Variants in LIMD1 observed in about 807,000 individuals in gnomAD.
The protein encoded by LIMD1 is LIM domain containing 1, also known as LIM domain-containing protein 1.
In LIMD1, 23 loss-of-function variants were observed where a neutral mutation model predicts 58.4. The observed-to-expected ratio is 0.39, with a 90% CI of 0.28 to 0.56. The LOEUF is 0.56. LIMD1 is among the 20% of genes least tolerant of loss of function. The pLI is 0.57. For missense variants in LIMD1, 838 were observed against 855.5 expected, an observed-to-expected ratio of 0.98 and a Z score of 0.25; for synonymous variants, 334 against 345.5, an observed-to-expected ratio of 0.97 and a Z score of 0.37.
At chr3:45,609,141 G>C (rs1429786164) in intron 1 of LIMD1, among the ~76,000 whole-genome samples, 1 of 152,210 alleles carries the variant, frequency 6.6e-6, no homozygotes, top group African/African-American at 2.4e-5. Flanking sequence ...ACCAGACCTT[G>C]ATTACCTGTT....
At chr3:45,636,282 G>A (rs773697085) in intron 2 of LIMD1, 31 bp downstream of exon 2, 1 of 1,504,030 alleles carries the variant, frequency 6.6e-7, no homozygotes, top group African/African-American at 1.4e-5. Context: ...CGGGTGTGTG[G>A]GGGATGCGTA....
chr3:45,663,713 GTACTAA>G (rs749312746), intron 2 of LIMD1, among the ~76,000 whole-genome samples: 1 of 151,638 alleles, frequency 6.6e-6, no homozygotes, highest in Non-Finnish European at 1.5e-5. Flanking sequence ...TGTGTCTTAG[GTACTAA>G]TACTATTTTA....
intron 2 of LIMD1, among the ~76,000 whole-genome samples, chr3:45,638,598 G>A (rs1053558225): frequency 3.9e-5 from 6 of 152,188 alleles, no homozygotes; most frequent in African/African-American, 4.8e-5. Flanking sequence ...TGTGAATAGT[G>A]TGGTGATAAA....
At chr3:45,602,365 T>C (rs1404397594) in intron 1 of LIMD1, among the ~76,000 whole-genome samples, 1 of 152,104 alleles carries the variant, frequency 6.6e-6, no homozygotes, top group Non-Finnish European at 1.5e-5. Flanking sequence ...CACATTCTGC[T>C]CGCTGTTAGG....
intron 1 of LIMD1, among the ~76,000 whole-genome samples, chr3:45,627,877 G>A (rs1302935470): frequency 4.6e-5 from 7 of 151,874 alleles, no homozygotes; most frequent in African/African-American, 1.7e-4. Flanking sequence ...GCATGGTGTT[G>A]CACGCCTGTA....
chr3:45,672,727 G>GT lies in LIMD1; in HGVS notation c.1682dup (p.Arg562ProfsTer6). ...CTGGGGAAGTCCTACCACCCCGGCT[G>GT]TTTCCGCTGTGTCATCTGTAATGAG... On this transcript the variant is annotated frameshift_variant, in exon 5 of 8. Transcript: ENST00000273317. LOFTEE classifies it high-confidence loss of function. 6.2e-7 allele frequency: 1 copy of GT among 1,614,028 alleles called. No individual in the cohort carries two copies. The highest frequency in any genetic ancestry group is 8.5e-7 in the Non-Finnish European group (1 of 1,179,972).
At position 45,596,069 on chromosome 3, in the gene LIMD1, C is replaced by T. The variant is rs763133890; in HGVS notation, c.1190C>T (p.Pro397Leu). Residue 397 changes from proline to leucine, a missense_variant, in exon 1 of 8, where the codon CCT becomes CTT. By Grantham distance (98) the Pro-to-Leu change is moderately conservative. Around this residue, in one of 3 missense-constraint regions of LIMD1, gnomAD observed 659 missense variants for 639.8 expected, o/e 1.03. Transcript: ENST00000273317. ...GTCCATCCAGTGATGTCCACCCTGC[C>T]TGAGTTATCTTGTAAAGAGGGTCCC... Reference protein sequence around the residue: ...SLVHPVMSTLPELSCKEGPLG... With the variant: ...SLVHPVMSTLLELSCKEGPLG... 4.3e-6 allele frequency: 7 copies of T among 1,614,090 alleles called. No homozygotes were observed. Among genetic ancestry groups the T allele is most frequent in the Admixed American group, 1.7e-5 (1 of 60,010 alleles).
intron 1 of LIMD1, among the ~76,000 whole-genome samples, chr3:45,606,995 T>C (rs1701473544): frequency 6.6e-6 from 1 of 152,180 alleles, no homozygotes. Flanking sequence ...GGTTTCACCA[T>C]GCTGGCCAGG....
intron 2 of LIMD1, among the ~76,000 whole-genome samples, chr3:45,646,431 G>A (rs1575357956): frequency 6.6e-6 from 1 of 152,144 alleles, no homozygotes; most frequent in South Asian, 2.1e-4. Context: ...CCTGCAGTGG[G>A]CCTCACCACC....
At chr3:45,668,566 A>G (rs561294401) in intron 4 of LIMD1, among the ~76,000 whole-genome samples, 6 of 152,166 alleles carry the variant, frequency 3.9e-5, no homozygotes, top group Non-Finnish European at 8.8e-5. Context: ...CAGCCTGGCC[A>G]ATATGGTGAA....
chr3:45,629,427 A>G (rs1336716004), intron 1 of LIMD1, among the ~76,000 whole-genome samples: 2 of 131,940 alleles, frequency 1.5e-5, no homozygotes, highest in African/African-American at 6.4e-5. Flanking sequence ...AAAAAAAAAA[A>G]AAAGAAAAGA....
rs1697715462 is a variant in LIMD1 at position 45,679,699 on chromosome 3, T to C, written c.*2640T>C. On this transcript the variant is annotated 3_prime_UTR_variant, in exon 8 of 8. Coordinates refer to ENST00000273317, the MANE Select transcript of LIMD1 (RefSeq NM_014240.3). ...TTAGGTTTTCTTACCCACCGTCTCC[T>C]GTTTTGTCTTTTTTTTCTTTTCTCC... The C allele has an allele frequency of 6.6e-6, 1 of 152,206 alleles. No homozygotes were observed. Among genetic ancestry groups the C allele is most frequent in the Non-Finnish European group, 1.5e-5 (1 of 68,042 alleles). The allele number at this position is 152,206 out of a possible 1,614,324, so 9.4% of individuals were successfully genotyped here.
At chr3:45,616,310 C>T (rs1198811960) in intron 1 of LIMD1, among the ~76,000 whole-genome samples, 1 of 152,198 alleles carries the variant, frequency 6.6e-6, no homozygotes, top group Non-Finnish European at 1.5e-5. Flanking sequence ...TGCTGTCTCA[C>T]TCTCTCGAGG....
intron 5 of LIMD1, among the ~76,000 whole-genome samples, chr3:45,673,107 GC>G (rs1697615720): frequency 6.6e-6 from 1 of 151,714 alleles, no homozygotes; most frequent in Non-Finnish European, 1.5e-5. Flanking sequence ...AATCCACCAA[GC>G]CCTGTGGCTT....
rs1697713930 is a variant in LIMD1, at chr3:45,679,531, A to G, written c.*2472A>G. ...CAAGGACTTGGTAGGCCAGGAAGAA[A>G]AGATTTTAAAATTTAGAATGAATAG... On this transcript the variant is annotated 3_prime_UTR_variant, in exon 8 of 8. Coordinates refer to ENST00000273317, the MANE Select transcript of LIMD1 (RefSeq NM_014240.3). The G allele has an allele frequency of 6.6e-6, 1 of 152,184 alleles. No individual in the cohort carries two copies. Among genetic ancestry groups the G allele is most frequent in the African/African-American group, 2.4e-5 (1 of 41,442 alleles). 9.4% of individuals were successfully genotyped at this position (152,184 alleles called of 1,614,324 possible).
rs1697774675 is a variant in LIMD1, at chr3:45,683,853, G to T, written c.*6794G>T. ...GTTTTGTCCATTTCTTTATCAAGAC[G>T]CCAAGAACCTGGACACCCTCCACCG... On this transcript the variant is annotated 3_prime_UTR_variant, in exon 8 of 8. Transcript: ENST00000273317. The T allele has an allele frequency of 1.3e-5, 2 of 152,126 alleles. No homozygotes were observed. Among genetic ancestry groups the T allele is most frequent in the African/African-American group, 4.8e-5 (2 of 41,402 alleles). The allele number at this position is 152,126 out of a possible 1,614,324, so 9.4% of individuals were successfully genotyped here. A position where few individuals can be genotyped will look rare whatever the true frequency, so the allele number is the denominator to read the frequency against.
intron 1 of LIMD1, among the ~76,000 whole-genome samples, chr3:45,620,641 A>G (rs1212883385): frequency 2.0e-5 from 3 of 152,110 alleles, no homozygotes; most frequent in African/African-American, 7.2e-5. Flanking sequence ...TTAGCTAGAA[A>G]TCGCTTGAAC....
chr3:45,616,373 C>T (rs1406315969), intron 1 of LIMD1, among the ~76,000 whole-genome samples: 6 of 152,190 alleles, frequency 3.9e-5, no homozygotes, highest in Non-Finnish European at 1.5e-5. Context: ...TTTTCTTCTC[C>T]AGCCAGCAGC....
intron 7 of LIMD1, 82 bp from the exon 8 acceptor site, chr3:45,676,840 T>C (rs2125671751): frequency 7.4e-7 from 1 of 1,347,970 alleles, no homozygotes. Context: ...CACCCTCTGC[T>C]GATTTTGGGG....
Sources: allele counts gnomAD v4.1 joint callset (sites outside exome capture counted in the v4.1 genomes callset), GRCh38; gene constraint gnomAD v4.1.1; regional missense constraint gnomAD v4.1.1; transcripts MANE v1.5; gene names NCBI Gene and HGNC (gene_info 2026-07-23, HGNC 2026-07-21).